PCDHGA1: variants seen among roughly 807,000 people sequenced by gnomAD.
The protein encoded by PCDHGA1 is protocadherin gamma subfamily A, 1, also known as protocadherin gamma-A1.
Under a neutral mutation model 58.0 loss-of-function variants are expected in PCDHGA1, and 32 were observed. The ratio of observed to expected loss-of-function variants is 0.55; its 90% CI spans 0.42 to 0.74. The LOEUF (loss-of-function observed/expected upper bound fraction) is 0.74, where lower values mean the gene tolerates loss of function less well. Ranked by LOEUF, PCDHGA1 falls within the 30% of genes least tolerant of loss-of-function variation. PCDHGA1 has a pLI of 0.00. For missense variants in PCDHGA1, 1,205 were observed against 1,182.3 expected (o/e 1.02, Z -0.28); for synonymous variants, 498 against 501.1 (o/e 0.99, Z 0.08).
chr5:141,364,913 G>C, intron 1 of PCDHGA1: 5 of 1,613,990 alleles, frequency 3.1e-6, no homozygotes, highest in Non-Finnish European at 4.2e-6. Flanking sequence ...TCCGGAGCTG[G>C]TGTTGGAACA....
At chr5:141,410,362 C>A (rs1270552318) in intron 1 of PCDHGA1, 13 of 1,613,954 alleles carry the variant, frequency 8.1e-6, no homozygotes, top group Non-Finnish European at 1.0e-5. Context: ...GCTCTCTCAG[C>A]CCTGCTACTT....
intron 1 of PCDHGA1, chr5:141,372,593 C>G (rs748684942): frequency 6.2e-7 from 1 of 1,614,030 alleles, no homozygotes; most frequent in Non-Finnish European, 8.5e-7. Context: ...GTGTCTGCTT[C>G]AAGACTGTAC....
chr5:141,404,298 C>A, intron 1 of PCDHGA1: 3 of 1,613,868 alleles, frequency 1.9e-6, no homozygotes, highest in Non-Finnish European at 2.5e-6. Flanking sequence ...AATGATAATC[C>A]ACCTGCTTTC....
intron 1 of PCDHGA1, among the ~76,000 whole-genome samples, chr5:141,447,677 A>G (rs748479750): frequency 6.6e-6 from 1 of 152,184 alleles, no homozygotes; most frequent in Non-Finnish European, 1.5e-5. Context: ...GAACTGTTCC[A>G]TATCTTGATA....
rs371049984 is a variant in PCDHGA1, at chr5:141,332,822, C to T, written c.2138C>T (p.Ala713Val). ...VFLAFVIVLL[A>V]HRLRRWHKSR... ...CTGGCCTTCGTCATCGTGCTGCTGGCGCACAGGCTGCGGCGCTGGCACAAG... is the reference window on the plus strand; with the variant it reads ...CTGGCCTTCGTCATCGTGCTGCTGGTGCACAGGCTGCGGCGCTGGCACAAG... The change falls in exon 1 of 4, where the codon GCG (alanine) becomes GTG (valine). Residue 713 changes from alanine (A) to valine (V), a missense_variant. Transcript: ENST00000517417. The surrounding 1 kb of genome is among the most constrained non-coding windows in gnomAD (Gnocchi z 4.6). The T allele has an allele frequency of 4.3e-6, 7 of 1,614,102 alleles. No homozygotes were observed. In the African/African-American group the frequency reaches 8.0e-5, roughly 18 times the overall value.
At chr5:141,419,744 G>A (rs760207269) in intron 1 of PCDHGA1, 28 of 1,613,778 alleles carry the variant, frequency 1.7e-5, no homozygotes, top group East Asian at 2.2e-5. Context: ...GGTGCGCATG[G>A]TGCGTGCTTT....
chr5:141,339,439 T>C (rs1756836634), intron 1 of PCDHGA1: 2 of 1,614,224 alleles, frequency 1.2e-6, no homozygotes, highest in South Asian at 1.1e-5. Context: ...CTCTTAAGAA[T>C]GCGCATGATG....
chr5:141,376,672 TA>T, intron 1 of PCDHGA1: 1 of 691,294 alleles, frequency 1.4e-6, no homozygotes, highest in Non-Finnish European at 2.3e-6. Flanking sequence ...CAGGTGAGGG[TA>T]TCGTTTTTTT....
intron 1 of PCDHGA1, chr5:141,365,026 C>G (rs897510737): frequency 2.5e-6 from 4 of 1,613,890 alleles, no homozygotes; most frequent in Non-Finnish European, 3.4e-6. Flanking sequence ...GTGTTACGGT[C>G]CTCGACGCAA....
At position 141,463,796 on chromosome 5, in the gene PCDHGA1, G is replaced by A. The variant is rs139760353; in HGVS notation, c.2422-31011G>A. ...ATCCTGCACTGTCTTTTGAACAAAT[G>A]TCTAAAAGCTTTTATCACACATTTT... On this transcript the variant is annotated intron_variant, in intron 1 of 3. Coordinates refer to ENST00000517417, the MANE Select transcript of PCDHGA1 (RefSeq NM_018912.3). Among the ~76,000 whole-genome samples, 155 of 152,232 alleles carry A rather than the reference G, an allele frequency of 1.0e-3. 1 individual carries two copies. The highest frequency in any genetic ancestry group is 3.4e-3 in the African/African-American group (140 of 41,538).
In PCDHGA1 at chr5:141,491,365, T is replaced by A. The variant is rs201011046; in HGVS notation, c.2422-3442T>A. ...CGTCAGTCTCTTATCCCTAGTCACC[T>A]TCACCTTTCTGTCAGCGAAGTGCCT... On this transcript the variant is annotated intron_variant, in intron 1 of 3. Transcript: ENST00000517417. This position sits in a 1 kb window ranked among gnomAD's most constrained non-coding sequence, Gnocchi z 6.9. 1.7e-5 allele frequency: 27 copies of A among 1,614,016 alleles called. No individual in the cohort carries two copies. The highest frequency in any genetic ancestry group is 2.0e-5 in the Non-Finnish European group (24 of 1,179,982).
At position 141,423,255 on chromosome 5, in the gene PCDHGA1, C is replaced by T. The variant is rs368969800; in HGVS notation, c.2422-71552C>T. ...GCATCCCCGAAGTCCTGGCGGACCT[C>T]GGCAGCCTCGAGTCTCTGGCTAACT... On this transcript the variant is annotated intron_variant, in intron 1 of 3. Transcript: ENST00000517417. 2.0e-5 allele frequency: 33 copies of T among 1,613,930 alleles called. No homozygotes were observed. In the East Asian group the frequency reaches 3.8e-4, roughly 19 times the overall value.
chr5:141,477,007 A>C lies in PCDHGA1; in HGVS notation c.2422-17800A>C, dbSNP rs891158982. The C allele has an allele frequency of 1.9e-6, 3 of 1,614,258 alleles. No individual in the cohort carries two copies. The Admixed American group carries it at 5.0e-5, about 27-fold the overall frequency. ...CCGGCGTGCGGCAACTATTCGCCTT[A>C]GACCTTGTAACCGGGATGCTGACAA... On this transcript the variant is annotated intron_variant, in intron 1 of 3. Coordinates refer to ENST00000517417, the MANE Select transcript of PCDHGA1 (RefSeq NM_018912.3). This position sits in a 1 kb window ranked among gnomAD's most constrained non-coding sequence, Gnocchi z 4.9.
chr5:141,454,493 A>G (rs1328573277), intron 1 of PCDHGA1, among the ~76,000 whole-genome samples: 1 of 151,866 alleles, frequency 6.6e-6, no homozygotes, highest in Non-Finnish European at 1.5e-5. Context: ...CGCAACCTCC[A>G]CCTCCTGGAT....
At chr5:141,375,326 G>A in intron 1 of PCDHGA1, 2 of 1,613,776 alleles carry the variant, frequency 1.2e-6, no homozygotes, top group Non-Finnish European at 1.7e-6. Flanking sequence ...CCGGGAAGAG[G>A]TATTCTTGTA....
intron 1 of PCDHGA1, among the ~76,000 whole-genome samples, chr5:141,488,007 G>A (rs1269050547): frequency 6.6e-6 from 1 of 152,178 alleles, no homozygotes; most frequent in African/African-American, 2.4e-5. Flanking sequence ...ATCAGATTCT[G>A]AAGTACCTTA....
chr5:141,357,073 G>A (rs771776855), intron 1 of PCDHGA1: 43 of 1,613,956 alleles, frequency 2.7e-5, no homozygotes, highest in Non-Finnish European at 3.6e-5. Context: ...GCACACAGGC[G>A]AGGTGCGCAC....
intron 1 of PCDHGA1, chr5:141,396,613 C>G (rs1283036515): frequency 6.6e-6 from 1 of 151,276 alleles, no homozygotes; most frequent in Non-Finnish European, 1.5e-5. Context: ...GGGTGAGACT[C>G]CGTCTCAAAA....
In PCDHGA1 at chr5:141,403,638, A is replaced by G. The variant is rs373036061; in HGVS notation, c.2421+70533A>G. On this transcript the variant is annotated intron_variant, in intron 1 of 3. Coordinates refer to ENST00000517417, the MANE Select transcript of PCDHGA1 (RefSeq NM_018912.3). ...CGTCGCTCCAGCACAGTGCGCATCCATGTGACAGTGTTGGATACAAATGAT... is the reference window on the plus strand; with the variant it reads ...CGTCGCTCCAGCACAGTGCGCATCCGTGTGACAGTGTTGGATACAAATGAT... The G allele has an allele frequency of 1.5e-5, 25 of 1,613,906 alleles. No individual in the cohort carries two copies. The East Asian group carries it at 4.5e-4, about 29-fold the overall frequency.
Sources: gnomAD v4.1 joint callset for allele counts (sites outside exome capture counted in the v4.1 genomes callset) on GRCh38, gnomAD v4.1.1 for gene constraint, Gnocchi (gnomAD v3.1) non-coding constraint, MANE v1.5 for transcripts, NCBI Gene and HGNC (gene_info 2026-07-23, HGNC 2026-07-21) for gene names.